The following GPCPD1 variants were observed in gnomAD, a reference collection of about 807,000 sequenced individuals.
GPCPD1 encodes the protein glycerophosphocholine phosphodiesterase 1.
In GPCPD1, 29 loss-of-function variants were observed where a neutral mutation model predicts 89.2. That is an observed-to-expected ratio of 0.33 (90% confidence interval 0.24 to 0.44). GPCPD1 has a LOEUF of 0.44. GPCPD1 is among the 20% of genes least tolerant of loss of function. The pLI, the probability that GPCPD1 is intolerant of heterozygous loss-of-function variation, is 1.00. For missense variants in GPCPD1, 594 were observed against 808.9 expected, an observed-to-expected ratio of 0.73 and a Z score of 3.22; for synonymous variants, 258 against 266.3, an observed-to-expected ratio of 0.97 and a Z score of 0.30.
chr20:5,548,498 T>C (rs992446760), intron 19 of GPCPD1: 1 of 152,320 alleles, frequency 6.6e-6, no homozygotes, highest in Non-Finnish European at 1.5e-5. Flanking sequence ...CTAATAAATA[T>C]CTGACTGTAT....
intron 1 of GPCPD1, among the ~76,000 whole-genome samples, chr20:5,609,587 C>T (rs1444006725): frequency 6.6e-6 from 1 of 152,112 alleles, no homozygotes; most frequent in Admixed American, 6.6e-5. Context: ...TTAACTCATA[C>T]GTAAAGATTC....
At chr20:5,555,553 A>G (rs1985713517) in intron 19 of GPCPD1, among the ~76,000 whole-genome samples, 1 of 151,922 alleles carries the variant, frequency 6.6e-6, no homozygotes, top group South Asian at 2.1e-4. Flanking sequence ...AAATAATAAT[A>G]AAATAAAAAT....
In GPCPD1 at chr20:5,545,244, A is replaced by G. The variant is rs959404489; in HGVS notation, c.*2417T>C. The G allele has an allele frequency of 2.0e-5, 3 of 152,218 alleles. No homozygotes were observed. Among genetic ancestry groups the G allele is most frequent in the Admixed American group, 1.3e-4 (2 of 15,280 alleles). 9.4% of individuals were successfully genotyped at this position (152,218 alleles called of 1,614,324 possible). A position where few individuals can be genotyped will look rare whatever the true frequency, so the allele number is the denominator to read the frequency against. ...TTCAAAAGGACATTTGATACAAATT[A>G]TATTACTCCAATAATTCCAACATTC... On this transcript the variant is annotated 3_prime_UTR_variant, in exon 20 of 20. Coordinates refer to ENST00000379019, the MANE Select transcript of GPCPD1 (RefSeq NM_019593.5).
At chr20:5,568,045 A>T (rs540084861) in intron 12 of GPCPD1, among the ~76,000 whole-genome samples, 288 of 152,222 alleles carry the variant, frequency 1.9e-3, no homozygotes, top group Non-Finnish European at 3.1e-3. Flanking sequence ...TCATGAAAAA[A>T]TTGTCTGATT....
At position 5,593,251 on chromosome 20, in the gene GPCPD1, G is replaced by A. The variant is rs1420374863; in HGVS notation, c.231+76C>T. On this transcript the variant is annotated intron_variant, in intron 4 of 19. Transcript: ENST00000379019. ...GACCAAAGCAAATGCATTTTACTTTGAACGTGTTCAAACTTAAGTGAGTTG... is the reference window on the plus strand; with the variant it reads ...GACCAAAGCAAATGCATTTTACTTTAAACGTGTTCAAACTTAAGTGAGTTG... 4 of 754,964 alleles carry A rather than the reference G, an allele frequency of 5.3e-6. No individual in the cohort carries two copies. The East Asian group carries it at 1.0e-4, about 19-fold the overall frequency. The allele number at this position is 754,964 out of a possible 1,614,324, so 46.8% of individuals were successfully genotyped here. A position where few individuals can be genotyped will look rare whatever the true frequency, so the allele number is the denominator to read the frequency against.
Position 5,567,593 on chromosome 20 carries a change from G to T in GPCPD1, c.1150-33C>A, listed in dbSNP as rs770475851. Reference sequence around the variant, plus strand: ...AAAAAAAAAAAGAAAGAAAGAAAAAGAAAGAATAAAGAAAATTAAGAGAAA... The same window carrying T: ...AAAAAAAAAAAGAAAGAAAGAAAAATAAAGAATAAAGAAAATTAAGAGAAA... On this transcript the variant is annotated intron_variant, in intron 12 of 19. Coordinates refer to ENST00000379019, the MANE Select transcript of GPCPD1 (RefSeq NM_019593.5). 10 of 1,495,588 alleles carry T rather than the reference G, an allele frequency of 6.7e-6. No individual in the cohort carries two copies. In the South Asian group the frequency reaches 1.2e-4, roughly 18 times the overall value. The allele number at this position is 1,495,588 out of a possible 1,614,324, so 92.6% of individuals were successfully genotyped here.
rs146043539 is a variant in GPCPD1 at position 5,579,446 on chromosome 20, C to G, written c.473+562G>C. On this transcript the variant is annotated intron_variant, in intron 7 of 19. Transcript: ENST00000379019. Reference sequence around the variant, plus strand: ...CACTGCAACTTCCGCCTTCCGGGTTCAAGCGATTCTCCTGCCTCAGCCTCC... The same window carrying G: ...CACTGCAACTTCCGCCTTCCGGGTTGAAGCGATTCTCCTGCCTCAGCCTCC... Among the ~76,000 whole-genome samples the G allele has an allele frequency of 3.9e-3, 600 of 152,280 alleles. 3 individuals are homozygous for G. Among genetic ancestry groups the G allele is most frequent in the African/African-American group, 0.014 (590 of 41,554 alleles).
At position 5,586,211 on chromosome 20, in the gene GPCPD1, C is replaced by T. The variant is rs369609679; in HGVS notation, c.290G>A (p.Arg97Gln). Residue 97 changes from arginine (R) to glutamine (Q), a missense_variant, in exon 5 of 20, where the codon CGA becomes CAA. By Grantham distance (43) the Arg-to-Gln change is conservative. Transcript: ENST00000379019. ...VHKWETHLQP[R>Q]SITPLESEII... Reference sequence around the variant, plus strand: ...GCCCATACCTAAAGGGGTTATTGATCGTGGTTGTAGATGAGTCTCCCACTT... The same window carrying T: ...GCCCATACCTAAAGGGGTTATTGATTGTGGTTGTAGATGAGTCTCCCACTT... The T allele has an allele frequency of 3.8e-6, 6 of 1,577,614 alleles. No homozygotes were observed. The highest frequency in any genetic ancestry group is 5.2e-6 in the Non-Finnish European group (6 of 1,147,070).
At chr20:5,554,186 G>A (rs6116850) in intron 19 of GPCPD1, among the ~76,000 whole-genome samples, 25,239 of 99,360 alleles carry the variant, frequency 0.25, 5,866 homozygotes, top group Middle Eastern at 0.31. Context: ...GGTTTTCACC[G>A]TGTTAGCCAG....
chr20:5,547,362 A>G lies in GPCPD1; in HGVS notation c.*299T>C, dbSNP rs147240435. 3.5e-4 allele frequency: 59 copies of G among 167,296 alleles called. No homozygotes were observed. The East Asian group carries it at 9.0e-3, about 26-fold the overall frequency. The allele number at this position is 167,296 out of a possible 1,614,324, so 10.4% of individuals were successfully genotyped here. A position where few individuals can be genotyped will look rare whatever the true frequency, so the allele number is the denominator to read the frequency against. ...ATGAGCTATTTATATAGTTAATTTCAAAGTGCTATGCTTTTAATGAACATA... is the reference window on the plus strand; with the variant it reads ...ATGAGCTATTTATATAGTTAATTTCGAAGTGCTATGCTTTTAATGAACATA... On this transcript the variant is annotated 3_prime_UTR_variant, in exon 20 of 20. Coordinates refer to ENST00000379019, the MANE Select transcript of GPCPD1 (RefSeq NM_019593.5).
At chr20:5,608,515 T>C (rs1422131177) in intron 1 of GPCPD1, among the ~76,000 whole-genome samples, 1 of 152,124 alleles carries the variant, frequency 6.6e-6, no homozygotes, top group East Asian at 1.9e-4. Context: ...GTATACAATT[T>C]TGGCATCCAG....
chr20:5,575,686 C>G, intron 9 of GPCPD1, 130 bp downstream of exon 9: 1 of 858,570 alleles, frequency 1.2e-6, no homozygotes, highest in Admixed American at 2.4e-5. Flanking sequence ...CAAAATGTAA[C>G]AGACATGCTC....
chr20:5,579,249 AT>A (rs1371853858), intron 7 of GPCPD1, among the ~76,000 whole-genome samples: 23 of 152,182 alleles, frequency 1.5e-4, no homozygotes, highest in Admixed American at 1.2e-3. Flanking sequence ...TGTGTGGAAA[AT>A]TTTTCATTTT....
At chr20:5,570,426 C>CAAAAAAAA (rs36030193) in intron 11 of GPCPD1, among the ~76,000 whole-genome samples, 187 bp from the exon 12 acceptor site, 1 of 86,048 alleles carries the variant, frequency 1.2e-5, no homozygotes, top group Non-Finnish European at 2.2e-5. Flanking sequence ...TTTTTCCTGG[C>CAAAAAAAA]AAAAAAAAAA....
intron 2 of GPCPD1, 93 bp from the exon 3 acceptor site, chr20:5,598,914 T>C: frequency 1.3e-6 from 1 of 789,116 alleles, no homozygotes; most frequent in Non-Finnish European, 2.2e-6. Flanking sequence ...CCAGATATGC[T>C]GCCCCCTTTA....
intron 3 of GPCPD1, among the ~76,000 whole-genome samples, chr20:5,597,544 T>C (rs535016991): frequency 5.3e-5 from 8 of 152,364 alleles, no homozygotes; most frequent in Admixed American, 1.3e-4. Flanking sequence ...CTGGTACTGG[T>C]GCACAGGCCA....
At chr20:5,591,535 C>T (rs1398229019) in intron 4 of GPCPD1, among the ~76,000 whole-genome samples, 1 of 152,164 alleles carries the variant, frequency 6.6e-6, no homozygotes, top group Non-Finnish European at 1.5e-5. Context: ...AACCTTTCTC[C>T]CATTTCAGCT....
Position 5,552,633 on chromosome 20 carries a change from A to G in GPCPD1, c.1830-4783T>C, listed in dbSNP as rs552353990. Among the ~76,000 whole-genome samples the G allele has an allele frequency of 1.2e-3, 185 of 152,384 alleles. 1 individual carries two copies. Among genetic ancestry groups the G allele is most frequent in the African/African-American group, 4.3e-3 (177 of 41,590 alleles). On this transcript the variant is annotated intron_variant, in intron 19 of 19. Transcript: ENST00000379019. ...CATTCAAAAATTTGCTAAAGCCAGT[A>G]CTTGTTCCAAATTATTTAAAATTTT...
intron 2 of GPCPD1, among the ~76,000 whole-genome samples, chr20:5,604,069 A>C (rs1980378229): frequency 6.6e-6 from 1 of 152,100 alleles, no homozygotes; most frequent in Non-Finnish European, 1.5e-5. Flanking sequence ...GCACTAGCAA[A>C]GTTTCCTTCA....
Sources: allele counts gnomAD v4.1 joint callset (sites outside exome capture counted in the v4.1 genomes callset), GRCh38; gene constraint gnomAD v4.1.1; transcripts MANE v1.5; gene names NCBI Gene and HGNC (gene_info 2026-07-23, HGNC 2026-07-21).